PSME3IP1: variants seen among roughly 807,000 people sequenced by gnomAD.
PSME3IP1 encodes the protein PSME3-interacting protein.
A neutral mutation model predicts 34.1 loss-of-function variants in PSME3IP1; 13 were observed. The ratio of observed to expected loss-of-function variants is 0.38; its 90% CI spans 0.25 to 0.61. PSME3IP1 has a LOEUF of 0.61. Ranked by LOEUF, PSME3IP1 falls within the 20% of genes least tolerant of loss-of-function variation. PSME3IP1 has a pLI of 0.60. For synonymous variants in PSME3IP1, 93 were observed against 114.3 expected (o/e 0.81, Z 1.19); for missense variants, 237 against 301.4 (o/e 0.79, Z 1.58).
chr16:57,174,555 G>A (rs1325835345), intron 1 of PSME3IP1: 2 of 985,280 alleles, frequency 2.0e-6, no homozygotes, highest in Non-Finnish European at 2.4e-6. Context: ...CTTTATTTCT[G>A]TAACATCTGA....
intron 6 of PSME3IP1, among the ~76,000 whole-genome samples, chr16:57,162,609 G>A (rs1448941796): frequency 1.4e-5 from 2 of 147,950 alleles, no homozygotes; most frequent in Non-Finnish European, 3.0e-5. Context: ...AGGCTGCAAT[G>A]AGCCAAGATA....
intron 6 of PSME3IP1, among the ~76,000 whole-genome samples, chr16:57,163,694 A>T (rs1425635105): frequency 6.6e-6 from 1 of 152,226 alleles, no homozygotes; most frequent in Non-Finnish European, 1.5e-5. Context: ...GGAAACAGAA[A>T]AACACCTTTT....
At chr16:57,175,917 T>A (rs1275742228) in intron 1 of PSME3IP1, among the ~76,000 whole-genome samples, 2 of 152,234 alleles carry the variant, frequency 1.3e-5, no homozygotes, top group Admixed American at 6.5e-5. Context: ...AGTCTCAGCC[T>A]GAATACTACT....
intron 6 of PSME3IP1, 79 bp downstream of exon 6, chr16:57,163,922 C>T: frequency 7.4e-7 from 1 of 1,344,844 alleles, no homozygotes; most frequent in Non-Finnish European, 1.1e-6. Flanking sequence ...CATTCATTTG[C>T]AGAAGCAATG....
intron 6 of PSME3IP1, among the ~76,000 whole-genome samples, chr16:57,158,198 C>CTAT (rs1359228642): frequency 6.6e-6 from 1 of 152,200 alleles, no homozygotes; most frequent in Admixed American, 6.5e-5. Context: ...TAACATCAAA[C>CTAT]TATACCATTC....
intron 1 of PSME3IP1, among the ~76,000 whole-genome samples, chr16:57,181,956 T>A (rs2073755500): frequency 6.6e-6 from 1 of 152,168 alleles, no homozygotes; most frequent in African/African-American, 2.4e-5. Context: ...GAAGCTTCAT[T>A]ACTTAGACAT....
chr16:57,184,209 T>A (rs2073958823), intron 1 of PSME3IP1, among the ~76,000 whole-genome samples: 1 of 147,904 alleles, frequency 6.8e-6, no homozygotes, highest in African/African-American at 2.5e-5. Flanking sequence ...GTAAAAGACA[T>A]AGAGAAAAGA....
chr16:57,168,743 T>C (rs1214066525), intron 4 of PSME3IP1, among the ~76,000 whole-genome samples: 2 of 129,830 alleles, frequency 1.5e-5, no homozygotes, highest in Non-Finnish European at 3.1e-5. Flanking sequence ...GCAGAGATTG[T>C]GGTGAGCTGA....
chr16:57,164,087 C>CCA lies in PSME3IP1; in HGVS notation c.483-23_483-22insTG, dbSNP rs759251926. Reference sequence around the variant, plus strand: ...TGAGCTGTAACAAAACACATGGTGACTTGAGCCATGTCCAATCTTGTGGAT... The same window carrying CCA: ...TGAGCTGTAACAAAACACATGGTGACCATTGAGCCATGTCCAATCTTGTGGAT... On this transcript the variant is annotated intron_variant, in intron 5 of 6. Coordinates refer to ENST00000309137, the MANE Select transcript of PSME3IP1 (RefSeq NM_024946.4). The CCA allele has an allele frequency of 7.4e-6, 12 of 1,610,912 alleles. No individual in the cohort carries two copies. In the Admixed American group the frequency reaches 2.0e-4, roughly 27 times the overall value.
intron 5 of PSME3IP1, 122 bp from the exon 6 acceptor site, chr16:57,164,187 A>C (rs1172941405): frequency 1.4e-6 from 1 of 729,558 alleles, no homozygotes; most frequent in African/African-American, 1.8e-5. Context: ...TGGGATGATA[A>C]AAATGAATGA....
rs188616377 is a variant in PSME3IP1, at chr16:57,153,383, T to C, written c.*907A>G. On this transcript the variant is annotated 3_prime_UTR_variant, in exon 7 of 7. Coordinates refer to ENST00000309137, the MANE Select transcript of PSME3IP1 (RefSeq NM_024946.4). The stretch of plus-strand genomic sequence containing the variant: ...TGCATTAAACAGAGAAGGGCCTCAA[T>C]AGAATGGTCACAATATGCAAGTGTG... 2.0e-5 allele frequency: 3 copies of C among 152,320 alleles called. No individual in the cohort carries two copies. The highest frequency in any genetic ancestry group is 6.5e-5 in the Admixed American group (1 of 15,302). The allele number at this position is 152,320 out of a possible 1,614,324, so 9.4% of individuals were successfully genotyped here.
intron 6 of PSME3IP1, among the ~76,000 whole-genome samples, chr16:57,157,586 T>G (rs2070707488): frequency 6.6e-6 from 1 of 151,908 alleles, no homozygotes; most frequent in Non-Finnish European, 1.5e-5. Context: ...TCCACATTCT[T>G]TTGTCCCTTT....
chr16:57,160,842 G>GA (rs2071148299), intron 6 of PSME3IP1, among the ~76,000 whole-genome samples: 1 of 152,124 alleles, frequency 6.6e-6, no homozygotes, highest in South Asian at 2.1e-4. Context: ...TATTCTTGCC[G>GA]AAAAAACCAA....
intron 5 of PSME3IP1, among the ~76,000 whole-genome samples, chr16:57,165,715 T>C (rs1304979460): frequency 2.0e-5 from 3 of 152,144 alleles, no homozygotes; most frequent in Non-Finnish European, 4.4e-5. Flanking sequence ...TCGGACAGAT[T>C]AGGAACTCCT....
At chr16:57,178,861 A>G (rs548324893) in intron 1 of PSME3IP1, 5 of 944,886 alleles carry the variant, frequency 5.3e-6, no homozygotes, top group Non-Finnish European at 5.0e-6. Flanking sequence ...TTCTGCAAGA[A>G]AGAGGTGATA....
intron 1 of PSME3IP1, among the ~76,000 whole-genome samples, chr16:57,183,631 C>A (rs1303085353): frequency 6.6e-6 from 1 of 151,980 alleles, no homozygotes; most frequent in Non-Finnish European, 1.5e-5. Context: ...CCACGCCCAG[C>A]CAAAAATATT....
chr16:57,163,899 G>C, intron 6 of PSME3IP1, 102 bp downstream of exon 6: 2 of 1,200,690 alleles, frequency 1.7e-6, no homozygotes, highest in Admixed American at 3.6e-5. Flanking sequence ...AGGCTTGCTT[G>C]AAGACAGAAA....
chr16:57,158,451 G>C (rs2070825748), intron 6 of PSME3IP1, among the ~76,000 whole-genome samples: 1 of 152,152 alleles, frequency 6.6e-6, no homozygotes, highest in Non-Finnish European at 1.5e-5. Flanking sequence ...AGCCAGGCGT[G>C]GTGGCACACC....
In PSME3IP1 at chr16:57,185,830, C is replaced by T. The variant is rs1346390754; in HGVS notation, c.-25G>A. 1.4e-5 allele frequency: 14 copies of T among 985,076 alleles called. No individual in the cohort carries two copies. The East Asian group carries it at 1.1e-3, about 80-fold the overall frequency. The allele number at this position is 985,076 out of a possible 1,614,324, so 61.0% of individuals were successfully genotyped here. ...CCGAGGCCGCACTCACCTACCGGCG[C>T]GCGGGAGGCGAGACGACCTCACCTC... On this transcript the variant is annotated 5_prime_UTR_variant, in exon 1 of 7. Transcript: ENST00000309137.
Sources: allele counts gnomAD v4.1 joint callset (sites outside exome capture counted in the v4.1 genomes callset), GRCh38; gene constraint gnomAD v4.1.1; transcripts MANE v1.5; gene names NCBI Gene and HGNC (gene_info 2026-07-23, HGNC 2026-07-21).